C1QL1: variants seen among roughly 807,000 people sequenced by gnomAD.
The protein encoded by C1QL1 is C1q-related factor.
In C1QL1, 15 loss-of-function variants were observed where a neutral mutation model predicts 14.2. That is an observed-to-expected ratio of 1.06 (90% confidence interval 0.71 to 1.62). The LOEUF (loss-of-function observed/expected upper bound fraction) is 1.62, where lower values mean the gene tolerates loss of function less well. Ranked by LOEUF, C1QL1 falls within the 40% of genes most tolerant of loss-of-function variation. C1QL1 has a pLI of 0.00. For synonymous variants in C1QL1, 172 were observed against 172.4 expected (o/e 1.00, Z 0.02); for missense variants, 346 against 380.3 (o/e 0.91, Z 0.75).
At chr17:44,963,283 G>T (rs1362782669) in intron 1 of C1QL1, among the ~76,000 whole-genome samples, 4 of 152,062 alleles carry the variant, frequency 2.6e-5, no homozygotes, top group African/African-American at 9.7e-5. Context: ...GGCCCATGGG[G>T]GACACTTGCA....
chr17:44,961,910 A>AGAGAG (rs1400802921), intron 1 of C1QL1, among the ~76,000 whole-genome samples: 1 of 129,686 alleles, frequency 7.7e-6, no homozygotes, highest in African/African-American at 3.2e-5. Context: ...AAAAAAAAAA[A>AGAGAG]AGAGAGAGAG....
rs1375405459 is a variant in C1QL1, at chr17:44,960,130, C to T, written c.*58G>A. 8 of 1,535,520 alleles carry T rather than the reference C, an allele frequency of 5.2e-6. No homozygotes were observed. The highest frequency in any genetic ancestry group is 2.7e-5 in the African/African-American group (2 of 73,422). ...GGGCGAGGGGCGAGTCATCGTCTGCCCCGCCCGGAGGGGACCCCGGCGGGT... is the reference window on the plus strand; with the variant it reads ...GGGCGAGGGGCGAGTCATCGTCTGCTCCGCCCGGAGGGGACCCCGGCGGGT... On this transcript the variant is annotated 3_prime_UTR_variant, in exon 2 of 2. Coordinates refer to ENST00000253407, the MANE Select transcript of C1QL1 (RefSeq NM_006688.5).
chr17:44,968,228 G>A lies in C1QL1; in HGVS notation c.-180C>T, dbSNP rs2052669932. Among the ~76,000 whole-genome samples, 1 of 146,564 alleles carries A rather than the reference G, an allele frequency of 6.8e-6. No homozygotes were observed. Among genetic ancestry groups the A allele is most frequent in the Non-Finnish European group, 1.5e-5 (1 of 66,018 alleles). On this transcript the variant is annotated 5_prime_UTR_variant, in exon 1 of 2. Transcript: ENST00000253407. ...GGCATGGGGCCGGGCCCGGGGCGCC[G>A]CGCTGCGCTGGCTGCGCTGCGGAGC...
At chr17:44,961,002 T>C (rs1381503618) in intron 1 of C1QL1, among the ~76,000 whole-genome samples, 2 of 152,210 alleles carry the variant, frequency 1.3e-5, no homozygotes, top group Non-Finnish European at 2.9e-5. Context: ...TCCCAGAGTT[T>C]AGAAGGGGCC....
At position 44,968,150 on chromosome 17, in the gene C1QL1, G is replaced by A. The variant is rs2052669315; in HGVS notation, c.-102C>T. 1 of 684,154 alleles carries A rather than the reference G, an allele frequency of 1.5e-6. No individual in the cohort carries two copies. The highest frequency in any genetic ancestry group is 1.9e-6 in the Non-Finnish European group (1 of 519,776). 42.4% of individuals were successfully genotyped at this position (684,154 alleles called of 1,614,324 possible). The stretch of plus-strand genomic sequence containing the variant: ...GCCGTCGGGGCAATGGTGCCGGCGG[G>A]CAGGGGGCGCGGGCTAGGCGCCCGC... On this transcript the variant is annotated 5_prime_UTR_variant, in exon 1 of 2. Transcript: ENST00000253407.
At chr17:44,962,289 G>A (rs2052632604) in intron 1 of C1QL1, among the ~76,000 whole-genome samples, 1 of 152,224 alleles carries the variant, frequency 6.6e-6, no homozygotes, top group South Asian at 2.1e-4. Context: ...TGCTGACTCA[G>A]CCGCGATGCT....
At chr17:44,962,393 G>A (rs2052633635) in intron 1 of C1QL1, among the ~76,000 whole-genome samples, 1 of 152,292 alleles carries the variant, frequency 6.6e-6, no homozygotes, top group South Asian at 2.1e-4. Flanking sequence ...TTCCCAACCT[G>A]AGAAGAAACT....
At chr17:44,966,110 A>G (rs1030440482) in intron 1 of C1QL1, among the ~76,000 whole-genome samples, 5 of 152,230 alleles carry the variant, frequency 3.3e-5, no homozygotes, top group Non-Finnish European at 7.3e-5. Flanking sequence ...AGGCAGACAC[A>G]GGAGAGAGAT....
At chr17:44,961,440 A>G (rs990353252) in intron 1 of C1QL1, among the ~76,000 whole-genome samples, 1 of 152,112 alleles carries the variant, frequency 6.6e-6, no homozygotes, top group African/African-American at 2.4e-5. Context: ...CTAAAAATAC[A>G]AAAATTAGCT....
rs748111218 is a variant in C1QL1, at chr17:44,960,347, G to C, written c.618C>G (p.Ala206=). 9 of 1,613,740 alleles carry C rather than the reference G, an allele frequency of 5.6e-6. No homozygotes were observed. In the Admixed American group the frequency reaches 8.3e-5, roughly 15 times the overall value. ...KNGQVRASAI[A]QDADQNYDYA... ...AGTCGTAGTTCTGGTCCGCGTCCTGGGCAATAGCACTGGCCCGCACCTGCG... is the reference window on the plus strand; with the variant it reads ...AGTCGTAGTTCTGGTCCGCGTCCTGCGCAATAGCACTGGCCCGCACCTGCG... The change falls in exon 2 of 2, where the codon GCC becomes GCG. Residue 206 remains alanine, a synonymous_variant. Transcript: ENST00000253407.
Position 44,967,327 on chromosome 17 carries a change from C to T in C1QL1, c.597+125G>A. ...CACACGTGATGACCAAGCGGGGCCG[C>T]TGTGGGGTGGGATCTCCACCTGCGT... is the stretch of plus-strand genomic sequence containing the variant. On this transcript the variant is annotated intron_variant, in intron 1 of 1. Coordinates refer to ENST00000253407, the MANE Select transcript of C1QL1 (RefSeq NM_006688.5). The surrounding 1 kb of genome is among the most constrained non-coding windows in gnomAD (Gnocchi z 7.0). 1 of 1,008,734 alleles carries T rather than the reference C, an allele frequency of 9.9e-7. No individual in the cohort carries two copies. Among genetic ancestry groups the T allele is most frequent in the Non-Finnish European group, 1.5e-6 (1 of 685,364 alleles). 62.5% of individuals were successfully genotyped at this position (1,008,734 alleles called of 1,614,324 possible).
In C1QL1 at chr17:44,967,657, G is replaced by T; in HGVS notation, c.392C>A (p.Ala131Asp). 6.2e-7 allele frequency: 1 copy of T among 1,613,626 alleles called. No homozygotes were observed. The highest frequency in any genetic ancestry group is 1.3e-5 in the African/African-American group (1 of 75,050). Residue 131 changes from alanine to aspartate, a missense_variant, in exon 1 of 2, where the codon GCC (alanine) becomes GAC (aspartate). Ala to Asp is a moderately radical substitution (Grantham distance 126). Coordinates refer to ENST00000253407, the MANE Select transcript of C1QL1 (RefSeq NM_006688.5). This position sits in a 1 kb window ranked among gnomAD's most constrained non-coding sequence, Gnocchi z 7.0. ...TATYTTVPRV[A>D]FYAGLKNPHE... ...GGGGTTCTTGAGGCCGGCGTAGAAG[G>T]CCACGCGCGGCACCGTGGTGTAGGT...
chr17:44,967,271 A>T lies in C1QL1; in HGVS notation c.597+181T>A, dbSNP rs1336274364. ...TGGAGCGGGAACCCAGGAACTGAGG[A>T]TCGGCGATGTCCGCTGGCTCCGACC... On this transcript the variant is annotated intron_variant, in intron 1 of 1. Coordinates refer to ENST00000253407, the MANE Select transcript of C1QL1 (RefSeq NM_006688.5). This position sits in a 1 kb window ranked among gnomAD's most constrained non-coding sequence, Gnocchi z 7.0. Among the ~76,000 whole-genome samples, 1 of 152,204 alleles carries T rather than the reference A, an allele frequency of 6.6e-6. No individual in the cohort carries two copies. The highest frequency in any genetic ancestry group is 1.5e-5 in the Non-Finnish European group (1 of 68,032).
At chr17:44,962,649 T>G (rs1427024389) in intron 1 of C1QL1, among the ~76,000 whole-genome samples, 1 of 152,276 alleles carries the variant, frequency 6.6e-6, no homozygotes, top group Non-Finnish European at 1.5e-5. Flanking sequence ...TATTGTTCCC[T>G]GAGCCCTAAT....
At chr17:44,965,982 G>C (rs2052655226) in intron 1 of C1QL1, among the ~76,000 whole-genome samples, 1 of 152,252 alleles carries the variant, frequency 6.6e-6, no homozygotes, top group African/African-American at 2.4e-5. Flanking sequence ...CAAGGACAAA[G>C]AGGAGAGACA....
Position 44,960,290 on chromosome 17 carries a change from G to C in C1QL1, c.675C>G (p.Asp225Glu). The part of the protein sequence containing the change: ...YASNSVILHL[D>E]AGDEVFIKLD... ...GCTTGATGAAGACCTCGTCGCCGGC[G>C]TCCAGGTGCAGGATCACGCTGTTGC... Residue 225 changes from aspartate (D) to glutamate (E), a missense_variant, in exon 2 of 2, where the codon GAC becomes GAG. Transcript: ENST00000253407. 7 of 1,614,156 alleles carry C rather than the reference G, an allele frequency of 4.3e-6. No individual in the cohort carries two copies. The highest frequency in any genetic ancestry group is 5.9e-6 in the Non-Finnish European group (7 of 1,179,992).
At chr17:44,966,131 C>T (rs2052656275) in intron 1 of C1QL1, among the ~76,000 whole-genome samples, 1 of 152,140 alleles carries the variant, frequency 6.6e-6, no homozygotes, top group African/African-American at 2.4e-5. Context: ...GGACAAGAAA[C>T]AGCAAAATAG....
chr17:44,964,780 G>C (rs796387801), intron 1 of C1QL1, among the ~76,000 whole-genome samples: 6 of 152,302 alleles, frequency 3.9e-5, no homozygotes, highest in African/African-American at 1.4e-4. Flanking sequence ...ACATGGGAGA[G>C]GGGGCTACGG....
rs1224343100 is a variant in C1QL1 at position 44,967,386 on chromosome 17, C to T, written c.597+66G>A. The T allele has an allele frequency of 2.2e-5, 33 of 1,503,322 alleles. No individual in the cohort carries two copies. Among genetic ancestry groups the T allele is most frequent in the Non-Finnish European group, 2.6e-5 (29 of 1,102,654 alleles). 93.1% of individuals were successfully genotyped at this position (1,503,322 alleles called of 1,614,324 possible). ...CGCCCCCGCCAACTCCGATCAGGTA[C>T]CCATTTGCCCCGGGCTCCCTGGGTG... is the stretch of plus-strand genomic sequence containing the variant. On this transcript the variant is annotated intron_variant, in intron 1 of 1. Coordinates refer to ENST00000253407, the MANE Select transcript of C1QL1 (RefSeq NM_006688.5). The surrounding 1 kb of genome is among the most constrained non-coding windows in gnomAD (Gnocchi z 7.0).
Sources: gnomAD v4.1 joint callset for allele counts (sites outside exome capture counted in the v4.1 genomes callset) on GRCh38, gnomAD v4.1.1 for gene constraint, Gnocchi (gnomAD v3.1) non-coding constraint, MANE v1.5 for transcripts, NCBI Gene and HGNC (gene_info 2026-07-23, HGNC 2026-07-21) for gene names.